The following SHROOM4 variants were observed in gnomAD, a reference collection of about 807,000 sequenced individuals.
The protein encoded by SHROOM4 is shroom family member 4.
A neutral mutation model predicts 80.3 loss-of-function variants in SHROOM4; 17 were observed. That is an observed-to-expected ratio of 0.21 (90% CI 0.14 to 0.32). The LOEUF is 0.32. Among genes scored for constraint, SHROOM4 ranks in the 10% least tolerant of loss-of-function variants. The pLI is 1.00. For synonymous variants in SHROOM4, 400 were observed against 437.5 expected, an observed-to-expected ratio of 0.91 and a Z score of 1.07; for missense variants, 993 against 1,140.3, an observed-to-expected ratio of 0.87 and a Z score of 1.86.
intron 1 of SHROOM4, among the ~76,000 whole-genome samples, chrX:50,723,393 GGA>G (rs782457909): frequency 5.7e-4 from 31 of 54,452 alleles, no homozygotes; most frequent in South Asian, 2.3e-3. Flanking sequence ...AGCAAGGGAG[GGA>G]GAGAGAGAGA....
At chrX:50,619,602 CAA>C (rs1400024336) in intron 5 of SHROOM4, among the ~76,000 whole-genome samples, 2 of 111,915 alleles carry the variant, frequency 1.8e-5, no homozygotes, top group Non-Finnish European at 3.8e-5. Context: ...GAGGCTGATG[CAA>C]AGTGTCCTGT....
chrX:50,639,184 T>C (rs1163407645), intron 2 of SHROOM4, among the ~76,000 whole-genome samples: 6 of 112,245 alleles, frequency 5.3e-5, no homozygotes, highest in Non-Finnish European at 9.4e-5. Flanking sequence ...GCATGAGCAG[T>C]TGCCACCCTT....
chrX:50,580,786 C>T, the SHROOM4 span, among the ~76,000 whole-genome samples: 1 of 111,645 alleles, frequency 9.0e-6, no homozygotes, highest in Non-Finnish European at 1.9e-5. Flanking sequence ...AAGACCCCAC[C>T]TCAAACAAAC....
chrX:50,679,774 A>T (rs1450839232), intron 2 of SHROOM4, among the ~76,000 whole-genome samples: 1 of 112,099 alleles, frequency 8.9e-6, no homozygotes, highest in Non-Finnish European at 1.9e-5. Flanking sequence ...CTACTGTGCT[A>T]TCAGACACTG....
At chrX:50,629,858 C>T (rs1930973713) in intron 4 of SHROOM4, among the ~76,000 whole-genome samples, 1 of 111,072 alleles carries the variant, frequency 9.0e-6, no homozygotes, top group Non-Finnish European at 1.9e-5. Flanking sequence ...ATAGCTACCA[C>T]CACAAGTACC....
chrX:50,594,528 T>C lies in SHROOM4; in HGVS notation c.*2167A>G, dbSNP rs781783985. The C allele has an allele frequency of 1.2e-4, 13 of 111,706 alleles. No individual in the cohort carries two copies. Among genetic ancestry groups the C allele is most frequent in the African/African-American group, 4.2e-4 (13 of 30,757 alleles). The allele number at this position is 111,706 out of a possible 1,213,427, so 9.2% of individuals were successfully genotyped here. A position where few individuals can be genotyped will look rare whatever the true frequency, so the allele number is the denominator to read the frequency against. ...TGCTGACTAGAAAAACTCAAGACTA[T>C]GGCCATAGTGTCCAGGTAAGTGACC... On this transcript the variant is annotated 3_prime_UTR_variant, in exon 9 of 9. Transcript: ENST00000376020.
rs782785101 is a variant in SHROOM4, at chrX:50,616,338, T to C, written c.2958-8154A>G. Among the ~76,000 whole-genome samples, 7 of 111,936 alleles carry C rather than the reference T, an allele frequency of 6.3e-5. No homozygotes were observed. In the East Asian group the frequency reaches 2.0e-3, roughly 31 times the overall value. On this transcript the variant is annotated intron_variant, in intron 5 of 8. Coordinates refer to ENST00000376020, the MANE Select transcript of SHROOM4 (RefSeq NM_020717.5). ...TTTTTCCTTCTCCCTGAAACTGGAT[T>C]TCAACCACCTACCCTTTTTTTTTGA... is the stretch of plus-strand genomic sequence containing the variant.
chrX:50,772,266 G>GT (rs1365984715), intron 1 of SHROOM4, among the ~76,000 whole-genome samples: 2 of 111,646 alleles, frequency 1.8e-5, no homozygotes, highest in African/African-American at 3.3e-5. Flanking sequence ...AACAATAATA[G>GT]TAGCTAACAT....
intron 1 of SHROOM4, among the ~76,000 whole-genome samples, chrX:50,795,124 T>TG (rs1935963631): frequency 4.4e-4 from 2 of 4,515 alleles, no homozygotes; most frequent in African/African-American, 6.1e-4. Context: ...GATATATATA[T>TG]ATGATATATA....
intron 1 of SHROOM4, among the ~76,000 whole-genome samples, chrX:50,784,338 T>C (rs1420987088): frequency 9.0e-6 from 1 of 111,669 alleles, no homozygotes. Context: ...TTGTTTTTGT[T>C]TTTTTGTAGA....
chrX:50,627,513 C>T, intron 5 of SHROOM4, 101 bp downstream of exon 5: 1 of 739,676 alleles, frequency 1.4e-6, no homozygotes, highest in Admixed American at 2.3e-5. Flanking sequence ...AGATACCAGG[C>T]CAGTTTCCTC....
At position 50,635,540 on chromosome X, in the gene SHROOM4, T is replaced by C. The variant is rs782441125; in HGVS notation, c.533A>G (p.Asp178Gly). ...ACGCTGGTTAGGGTACATGTTCTGG[T>C]CAATAGGCAACAGATGGCTCTCATA... ...ATYESHLLPI[D>G]QNMYPNQRDS... The change falls in exon 4 of 9, where the codon GAC becomes GGC. Residue 178 changes from aspartate (D) to glycine (G), a missense_variant. By Grantham distance (94) the Asp-to-Gly change is moderately conservative (BLOSUM62 -1). Coordinates refer to ENST00000376020, the MANE Select transcript of SHROOM4 (RefSeq NM_020717.5). 1.8e-5 allele frequency: 22 copies of C among 1,208,032 alleles called. No individual in the cohort carries two copies. In the Admixed American group the frequency reaches 2.2e-4, roughly 12 times the overall value.
intron 7 of SHROOM4, among the ~76,000 whole-genome samples, chrX:50,599,259 C>T (rs1478246319): frequency 2.7e-5 from 3 of 111,374 alleles, no homozygotes; most frequent in Admixed American, 9.6e-5. Context: ...TCCTTCAATC[C>T]ATTTAAGTAC....
chrX:50,674,082 G>GA (rs1366593724), intron 2 of SHROOM4, among the ~76,000 whole-genome samples: 1 of 110,122 alleles, frequency 9.1e-6, no homozygotes, highest in Non-Finnish European at 1.9e-5. Context: ...ACATAATGCT[G>GA]AAAAAAGAAA....
chrX:50,627,576 G>C lies in SHROOM4; in HGVS notation c.2957+38C>G, dbSNP rs192921879. ...TAGCAATTTCTACAGAAGCTCCAGAGGCACCAACCCACCCCAACTCCCTGA... is the reference window on the plus strand; with the variant it reads ...TAGCAATTTCTACAGAAGCTCCAGACGCACCAACCCACCCCAACTCCCTGA... On this transcript the variant is annotated intron_variant, in intron 5 of 8. Transcript: ENST00000376020. 1.5e-4 allele frequency: 178 copies of C among 1,160,468 alleles called. 1 individual carries two copies. In the East Asian group the frequency reaches 3.8e-3, roughly 25 times the overall value.
At chrX:50,642,907 C>A (rs141369838) in intron 2 of SHROOM4, among the ~76,000 whole-genome samples, 439 of 111,870 alleles carry the variant, frequency 3.9e-3, no homozygotes, top group African/African-American at 0.013. Flanking sequence ...TACCACACGA[C>A]CCCTCCTCTC....
At chrX:50,646,264 T>A (rs1328123344) in intron 2 of SHROOM4, among the ~76,000 whole-genome samples, 1 of 111,425 alleles carries the variant, frequency 9.0e-6, no homozygotes, top group African/African-American at 3.3e-5. Flanking sequence ...CCAGCCTCCC[T>A]CCAAACAGCA....
chrX:50,676,397 C>T (rs996430349), intron 2 of SHROOM4, among the ~76,000 whole-genome samples: 1 of 110,446 alleles, frequency 9.1e-6, no homozygotes, highest in African/African-American at 3.3e-5. Context: ...ATTTATTTTG[C>T]AAGGCAAAAC....
intron 2 of SHROOM4, among the ~76,000 whole-genome samples, chrX:50,668,207 C>T (rs889328538): frequency 5.4e-5 from 6 of 112,068 alleles, no homozygotes; most frequent in Non-Finnish European, 9.4e-5. Flanking sequence ...ATCCGCTCCC[C>T]GCTTGGCGGT....
Sources: allele counts gnomAD v4.1 joint callset (sites outside exome capture counted in the v4.1 genomes callset), GRCh38; gene constraint gnomAD v4.1.1; transcripts MANE v1.5; gene names NCBI Gene and HGNC (gene_info 2026-07-23, HGNC 2026-07-21).